The following SNCAIP variants were observed in gnomAD, a reference collection of about 807,000 sequenced individuals.
SNCAIP encodes synphilin-1.
SNCAIP carries 43 observed loss-of-function variants against 86.7 expected under a neutral mutation model. The observed-to-expected ratio is 0.50, with a 90% CI of 0.39 to 0.64. The LOEUF is 0.64. SNCAIP is among the 30% of genes least tolerant of loss of function. The pLI is 0.00. For synonymous variants in SNCAIP, 417 were observed against 427.2 expected (o/e 0.98, Z 0.29); for missense variants, 981 against 1,103.1 (o/e 0.89, Z 1.57).
chr5:122,337,018 T>C (rs1282501351), intron 1 of SNCAIP: 1 of 152,182 alleles, frequency 6.6e-6, no homozygotes, highest in Non-Finnish European at 1.5e-5. Flanking sequence ...TCTGCCTCCA[T>C]TTAGTCGATG....
At chr5:122,444,522 A>AACAT in intron 7 of SNCAIP, 41 bp from the exon 8 acceptor site, 1 of 1,573,064 alleles carries the variant, frequency 6.4e-7, no homozygotes, top group Non-Finnish European at 8.8e-7. Context: ...AATAATGTGT[A>AACAT]CAGAGATGTC....
At chr5:122,325,434 T>C (rs975898681) in intron 1 of SNCAIP, among the ~76,000 whole-genome samples, 1 of 152,170 alleles carries the variant, frequency 6.6e-6, no homozygotes, top group Non-Finnish European at 1.5e-5. Flanking sequence ...GTTCTCTGGG[T>C]CCTAGTAACT....
At chr5:122,438,209 A>T (rs932385488) in intron 6 of SNCAIP, among the ~76,000 whole-genome samples, 12 of 152,146 alleles carry the variant, frequency 7.9e-5, no homozygotes, top group African/African-American at 2.4e-4. Flanking sequence ...AGAAGAAAAA[A>T]ACCAGTTCCC....
At chr5:122,391,870 C>T (rs774877762) in intron 2 of SNCAIP, among the ~76,000 whole-genome samples, 57 of 152,212 alleles carry the variant, frequency 3.7e-4, no homozygotes, top group Non-Finnish European at 7.3e-4. Context: ...TATCCGGGAC[C>T]ACATAATCAA....
intron 1 of SNCAIP, among the ~76,000 whole-genome samples, chr5:122,317,862 C>T (rs1479527477): frequency 1.3e-5 from 2 of 152,132 alleles, no homozygotes; most frequent in Admixed American, 6.5e-5. Context: ...TCCACCTAAT[C>T]AGTCACCAAG....
chr5:122,461,877 C>A (rs1052543101), intron 10 of SNCAIP, among the ~76,000 whole-genome samples: 7 of 152,180 alleles, frequency 4.6e-5, no homozygotes, highest in African/African-American at 1.7e-4. Context: ...CCATGTTGGC[C>A]AAGCTGGTCT....
chr5:122,441,300 G>T, intron 7 of SNCAIP: 1 of 156,968 alleles, frequency 6.4e-6, no homozygotes, highest in South Asian at 1.9e-4. Context: ...GTTGGGAGTA[G>T]ATTCAGATAT....
chr5:122,339,027 A>G (rs1757049327), intron 1 of SNCAIP, among the ~76,000 whole-genome samples: 1 of 152,212 alleles, frequency 6.6e-6, no homozygotes, highest in South Asian at 2.1e-4. Flanking sequence ...GTACAAAGGC[A>G]GGAAGGAGGG....
At chr5:122,345,225 G>A (rs1352342470) in intron 1 of SNCAIP, among the ~76,000 whole-genome samples, 1 of 152,066 alleles carries the variant, frequency 6.6e-6, no homozygotes, top group Non-Finnish European at 1.5e-5. Flanking sequence ...CAAATTTTTT[G>A]TTATTGGTTT....
intron 1 of SNCAIP, among the ~76,000 whole-genome samples, chr5:122,352,852 A>C (rs1760158456): frequency 6.6e-6 from 1 of 152,168 alleles, no homozygotes; most frequent in South Asian, 2.1e-4. Context: ...CTCTACAAGA[A>C]ACTTGAATAA....
chr5:122,385,701 GTGTGTGTGTGTA>G (rs1314535446), intron 1 of SNCAIP, among the ~76,000 whole-genome samples: 1 of 143,656 alleles, frequency 7.0e-6, no homozygotes. Flanking sequence ...GTGTGTGTGT[GTGTGTGTGTGTA>G]GGGGTGCAGG....
At chr5:122,329,249 A>G (rs1194458495) in intron 1 of SNCAIP, among the ~76,000 whole-genome samples, 1 of 150,948 alleles carries the variant, frequency 6.6e-6, no homozygotes, top group Non-Finnish European at 1.5e-5. Flanking sequence ...TATGCTTTGG[A>G]AAGGTAATGT....
At chr5:122,318,837 C>T (rs765309166) in intron 1 of SNCAIP, among the ~76,000 whole-genome samples, 4 of 152,178 alleles carry the variant, frequency 2.6e-5, no homozygotes, top group Non-Finnish European at 5.9e-5. Flanking sequence ...TTCCCCCTAT[C>T]ATCAGAGAGG....
In SNCAIP at chr5:122,450,720, G is replaced by C; in HGVS notation, c.1873G>C (p.Gly625Arg). The change falls in exon 10 of 11, where the codon GGA (glycine) becomes CGA (arginine). Residue 625 changes from glycine to arginine, a missense_variant. Coordinates refer to ENST00000261368, the MANE Select transcript of SNCAIP (RefSeq NM_005460.4). ...TGATAAAATCTTACGCCAGTTATTGGGAAAGGAAATCTCAGAAAATGTCTG... is the reference window on the plus strand; with the variant it reads ...TGATAAAATCTTACGCCAGTTATTGCGAAAGGAAATCTCAGAAAATGTCTG... The part of the protein sequence containing the change: ...DSDKILRQLL[G>R]KEISENVCTQ... 1 of 1,614,142 alleles carries C rather than the reference G, an allele frequency of 6.2e-7. No homozygotes were observed. The highest frequency in any genetic ancestry group is 1.1e-5 in the South Asian group (1 of 91,082).
chr5:122,342,005 G>A (rs1757691251), intron 1 of SNCAIP, among the ~76,000 whole-genome samples: 1 of 152,144 alleles, frequency 6.6e-6, no homozygotes, highest in Non-Finnish European at 1.5e-5. Context: ...CTTCCTTCAA[G>A]CCACATCCCC....
chr5:122,382,885 G>T (rs1340179880), intron 1 of SNCAIP, among the ~76,000 whole-genome samples: 1 of 152,234 alleles, frequency 6.6e-6, no homozygotes, highest in African/African-American at 2.4e-5. Context: ...CACTTGAGGA[G>T]GCAGTCTGCC....
chr5:122,326,571 T>C (rs893781520), intron 1 of SNCAIP, among the ~76,000 whole-genome samples: 1 of 148,860 alleles, frequency 6.7e-6, no homozygotes, highest in Non-Finnish European at 1.5e-5. Context: ...TATTCTCTTA[T>C]AGAATAGAGA....
chr5:122,457,615 C>G (rs565992114), intron 10 of SNCAIP, among the ~76,000 whole-genome samples: 1 of 151,992 alleles, frequency 6.6e-6, no homozygotes, highest in Non-Finnish European at 1.5e-5. Flanking sequence ...CTCTCTCTCA[C>G]TCTCTCTCTC....
chr5:122,437,081 A>G (rs1199618839), intron 6 of SNCAIP: 2 of 152,200 alleles, frequency 1.3e-5, no homozygotes, highest in Admixed American at 1.3e-4. Context: ...AGCAATACTT[A>G]TGGGGAAATG....
Sources: allele counts gnomAD v4.1 joint callset (sites outside exome capture counted in the v4.1 genomes callset), GRCh38; gene constraint gnomAD v4.1.1; transcripts MANE v1.5; gene names NCBI Gene and HGNC (gene_info 2026-07-23, HGNC 2026-07-21).